The following ARHGAP35 variants were observed in gnomAD, a reference collection of about 807,000 sequenced individuals.
ARHGAP35 encodes Rho GTPase activating protein 35.
Under a neutral mutation model 111.1 loss-of-function variants are expected in ARHGAP35, and 15 were observed. The observed-to-expected ratio is 0.13, with a 90% CI of 0.09 to 0.21. The LOEUF is 0.21. Among genes scored for constraint, ARHGAP35 ranks in the 10% least tolerant of loss-of-function variants. ARHGAP35 has a pLI of 1.00. For missense variants in ARHGAP35, 1,262 were observed against 1,873.0 expected, an observed-to-expected ratio of 0.67 and a Z score of 6.02; for synonymous variants, 643 against 710.3, an observed-to-expected ratio of 0.91 and a Z score of 1.51.
At chr19:46,912,962 G>A (rs1315635388) in intron 1 of ARHGAP35, among the ~76,000 whole-genome samples, 2 of 151,986 alleles carry the variant, frequency 1.3e-5, no homozygotes, top group African/African-American at 2.4e-5. Context: ...TAGTTACGAT[G>A]TATATTTCCA....
At chr19:46,957,477 G>A (rs374895411) in intron 3 of ARHGAP35, among the ~76,000 whole-genome samples, 1 of 152,102 alleles carries the variant, frequency 6.6e-6, no homozygotes, top group South Asian at 2.1e-4. Context: ...GCCAGGCATG[G>A]TAGTATGTGC....
At chr19:46,862,219 ACT>A (rs2055832698) in intron 1 of ARHGAP35, among the ~76,000 whole-genome samples, 1 of 151,058 alleles carries the variant, frequency 6.6e-6, no homozygotes, top group Admixed American at 6.6e-5. Context: ...CCCTTCTCTG[ACT>A]CTGCAGGTCT....
chr19:46,984,876 T>C (rs571110043), intron 3 of ARHGAP35, among the ~76,000 whole-genome samples: 3 of 152,328 alleles, frequency 2.0e-5, no homozygotes, highest in South Asian at 2.1e-4. Context: ...TATGAGGCAA[T>C]GCAGAGCAGT....
chr19:46,894,645 C>T (rs935349652), intron 1 of ARHGAP35, among the ~76,000 whole-genome samples: 1 of 151,994 alleles, frequency 6.6e-6, no homozygotes, highest in African/African-American at 2.4e-5. Context: ...GGGATTTCAC[C>T]ATGTTGACCA....
chr19:46,874,620 TCAGCCTCCTGAGTAGCTGGGATTA>T (rs563523014), intron 1 of ARHGAP35, among the ~76,000 whole-genome samples: 147 of 145,382 alleles, frequency 1.0e-3, no homozygotes, highest in African/African-American at 3.1e-3. Flanking sequence ...TTCTCCTGCC[TCAGCCTCCTGAGTAGCTGGGATTA>T]CAGGCGCCTG....
rs1310766598 is a variant in ARHGAP35 at position 46,937,300 on chromosome 19, G to A, written c.3718G>A (p.Ala1240Thr). Residue 1240 changes from alanine to threonine, a missense_variant, in exon 3 of 7, where the codon GCA (alanine) becomes ACA (threonine). Physicochemically the swap from Ala to Thr is moderately conservative, Grantham distance 58. Coordinates refer to ENST00000672722, the MANE Select transcript of ARHGAP35 (RefSeq NM_004491.5). ...KPKPRPSITK[A>T]TWESNYFGVP... ...CAAACCCCGGCCATCCATCACAAAG[G>A]CAACCTGGGAGAGTAACTATTTTGG... 4.3e-6 allele frequency: 7 copies of A among 1,613,742 alleles called. No individual in the cohort carries two copies. In the Admixed American group the frequency reaches 1.2e-4, roughly 27 times the overall value.
intron 1 of ARHGAP35, among the ~76,000 whole-genome samples, chr19:46,894,250 GA>G (rs1399756580): frequency 6.6e-6 from 1 of 152,066 alleles, no homozygotes; most frequent in Non-Finnish European, 1.5e-5. Context: ...GGTGAACTTA[GA>G]AAAAATAACT....
At chr19:46,998,580 C>T (rs1165686200) in intron 5 of ARHGAP35, among the ~76,000 whole-genome samples, 2 of 152,232 alleles carry the variant, frequency 1.3e-5, no homozygotes. Flanking sequence ...AACTCAGATA[C>T]TTCATCCTCA....
intron 1 of ARHGAP35, among the ~76,000 whole-genome samples, chr19:46,912,596 T>C (rs1353434120): frequency 1.3e-5 from 2 of 152,092 alleles, no homozygotes; most frequent in East Asian, 3.9e-4. Context: ...GACTTCGTGA[T>C]CTGCCCACCT....
chr19:46,876,276 C>CTGCA (rs2055920381), intron 1 of ARHGAP35, among the ~76,000 whole-genome samples: 1 of 151,638 alleles, frequency 6.6e-6, no homozygotes, highest in Admixed American at 6.6e-5. Context: ...TCACACCTTA[C>CTGCA]TGCAGCCTTA....
At chr19:46,967,736 T>TA (rs2056523350) in intron 3 of ARHGAP35, among the ~76,000 whole-genome samples, 1 of 152,252 alleles carries the variant, frequency 6.6e-6, no homozygotes, top group Admixed American at 6.5e-5. Context: ...TCATTCACTC[T>TA]AAACTTCAGC....
At chr19:46,975,637 A>C (rs1438485646) in intron 3 of ARHGAP35, among the ~76,000 whole-genome samples, 1 of 150,910 alleles carries the variant, frequency 6.6e-6, no homozygotes, top group East Asian at 1.9e-4. Flanking sequence ...TTCACAGCCC[A>C]TCAGAATGGA....
chr19:46,870,582 G>GA (rs574392142), intron 1 of ARHGAP35, among the ~76,000 whole-genome samples: 30 of 143,066 alleles, frequency 2.1e-4, no homozygotes, highest in Middle Eastern at 3.5e-3. Context: ...CAGTCTCAAA[G>GA]AAAAAAAAAA....
rs113953173 is a variant in ARHGAP35, at chr19:46,994,394, A to C, written c.4036+4719A>C. 2.3e-4 allele frequency among the ~76,000 whole-genome samples: 35 copies of C among 152,308 alleles called. 1 individual carries two copies. The highest frequency in any genetic ancestry group is 7.0e-4 in the African/African-American group (29 of 41,572). On this transcript the variant is annotated intron_variant, in intron 5 of 6. Coordinates refer to ENST00000672722, the MANE Select transcript of ARHGAP35 (RefSeq NM_004491.5). The surrounding 1 kb of genome is among the most constrained non-coding windows in gnomAD (Gnocchi z 5.4). ...ACAGACTGTGGCCCCAGCCTTCGGC[A>C]GCACCATAGGGTAGAAGGTGTCCAG...
intron 2 of ARHGAP35, among the ~76,000 whole-genome samples, chr19:46,924,744 C>G (rs1156770562): frequency 6.6e-6 from 1 of 152,186 alleles, no homozygotes; most frequent in Non-Finnish European, 1.5e-5. Context: ...AAGACTGTTG[C>G]CAGAACAGCT....
intron 1 of ARHGAP35, among the ~76,000 whole-genome samples, chr19:46,882,414 A>T (rs1158204426): frequency 6.6e-6 from 1 of 152,232 alleles, no homozygotes; most frequent in Non-Finnish European, 1.5e-5. Flanking sequence ...CTAGGTTTAC[A>T]GGCATGAGCC....
chr19:46,867,588 G>T (rs1330689040), intron 1 of ARHGAP35, among the ~76,000 whole-genome samples: 1 of 152,088 alleles, frequency 6.6e-6, no homozygotes, highest in African/African-American at 2.4e-5. Flanking sequence ...TTATTTTGTG[G>T]CTAATAATAC....
rs1445249814 is a variant in ARHGAP35 at position 46,987,984 on chromosome 19, C to T, written c.3827-5C>T. The stretch of plus-strand genomic sequence containing the variant: ...GCTCCTAAGACCCTGCCTGTTTCTC[C>T]TCAGGACTGAGCACGGAAGGCATCT... On this transcript the variant is annotated splice_region_variant and splice_polypyrimidine_tract_variant and intron_variant, in intron 3 of 6. Transcript: ENST00000672722. The T allele has an allele frequency of 6.2e-7, 1 of 1,613,634 alleles. No homozygotes were observed. The highest frequency in any genetic ancestry group is 8.5e-7 in the Non-Finnish European group (1 of 1,179,810).
At chr19:46,892,123 T>TAAAAAAAA (rs1178888092) in intron 1 of ARHGAP35, among the ~76,000 whole-genome samples, 3 of 53,898 alleles carry the variant, frequency 5.6e-5, no homozygotes, top group East Asian at 5.2e-4. Context: ...CTGTCTCTAC[T>TAAAAAAAA]AAAAAAAAAA....
Sources: allele counts gnomAD v4.1 joint callset (sites outside exome capture counted in the v4.1 genomes callset), GRCh38; gene constraint gnomAD v4.1.1; non-coding constraint Gnocchi (gnomAD v3.1); transcripts MANE v1.5; gene names NCBI Gene and HGNC (gene_info 2026-07-23, HGNC 2026-07-21).